The following SLC39A14 variants were observed in gnomAD, a reference collection of about 807,000 sequenced individuals.
The protein encoded by SLC39A14 is metal cation symporter ZIP14.
SLC39A14 carries 19 observed loss-of-function variants against 45.5 expected under a neutral mutation model. The ratio of observed to expected loss-of-function variants is 0.42; its 90% CI spans 0.29 to 0.61. The LOEUF (loss-of-function observed/expected upper bound fraction) is 0.61. Ranked by LOEUF, SLC39A14 falls within the 20% of genes least tolerant of loss-of-function variation. SLC39A14 has a pLI of 0.22. For missense variants in SLC39A14, 447 were observed against 616.5 expected (o/e 0.73, Z 2.91); for synonymous variants, 264 against 251.3 (o/e 1.05, Z -0.48).
downstream of SLC39A14, among the ~76,000 whole-genome samples, chr8:22,425,216 C>A (rs1015107206): frequency 1.3e-5 from 2 of 152,014 alleles, no homozygotes; most frequent in Non-Finnish European, 2.9e-5. Flanking sequence ...GTACTTGTGG[C>A]CCACGTGGAA....
intron 1 of SLC39A14, among the ~76,000 whole-genome samples, chr8:22,369,206 G>C (rs1563462021): frequency 6.6e-6 from 1 of 152,148 alleles, no homozygotes; most frequent in South Asian, 2.1e-4. Flanking sequence ...TCTTCCCAAA[G>C]GGCCAGGCCA....
intron 4 of SLC39A14, among the ~76,000 whole-genome samples, chr8:22,413,295 G>A (rs957514904): frequency 2.0e-5 from 3 of 152,136 alleles, no homozygotes; most frequent in Non-Finnish European, 4.4e-5. Context: ...CCTCCTAGTG[G>A]ATCCTTAGGT....
At chr8:22,371,379 G>T (rs1221316455) in intron 1 of SLC39A14, among the ~76,000 whole-genome samples, 1 of 138,666 alleles carries the variant, frequency 7.2e-6, no homozygotes, top group Non-Finnish European at 1.6e-5. Context: ...AAAAAAATCA[G>T]ATAAAAGTTG....
At chr8:22,416,570 G>A (rs903982278) in intron 7 of SLC39A14, among the ~76,000 whole-genome samples, 7 of 151,304 alleles carry the variant, frequency 4.6e-5, no homozygotes, top group Non-Finnish European at 8.8e-5. Context: ...GATTACAGAC[G>A]CCTGCCACCA....
intron 1 of SLC39A14, among the ~76,000 whole-genome samples, chr8:22,381,665 T>C (rs1475981719): frequency 6.6e-6 from 1 of 152,186 alleles, no homozygotes; most frequent in Admixed American, 6.5e-5. Flanking sequence ...AAGCAGAAAC[T>C]TTAAAAAGGA....
downstream of SLC39A14, among the ~76,000 whole-genome samples, chr8:22,423,102 G>T (rs898168252): frequency 8.5e-5 from 13 of 152,108 alleles, no homozygotes; most frequent in South Asian, 4.2e-4. Flanking sequence ...GGGATTACAG[G>T]CTTGAGTCAT....
At chr8:22,425,894 T>TG (rs1396276736), downstream of SLC39A14, among the ~76,000 whole-genome samples, 40 of 135,900 alleles carry the variant, frequency 2.9e-4, 1 homozygote, top group South Asian at 1.9e-3. Context: ...TTTTTGTTTT[T>TG]TTTTTGTTTT....
At chr8:22,406,165 G>A (rs1381116137) in intron 2 of SLC39A14, among the ~76,000 whole-genome samples, 1 of 152,190 alleles carries the variant, frequency 6.6e-6, no homozygotes, top group Admixed American at 6.5e-5. Flanking sequence ...AATGGACGGG[G>A]GTGCTGGGCA....
intron 1 of SLC39A14, among the ~76,000 whole-genome samples, chr8:22,376,145 A>G (rs1563480525): frequency 6.6e-6 from 1 of 152,038 alleles, no homozygotes; most frequent in Non-Finnish European, 1.5e-5. Context: ...TGCATCCTTT[A>G]GAGGTATTCA....
chr8:22,391,843 C>T (rs994421736), intron 1 of SLC39A14, among the ~76,000 whole-genome samples: 2 of 152,104 alleles, frequency 1.3e-5, no homozygotes, highest in South Asian at 2.1e-4. Flanking sequence ...GCTGGGATTA[C>T]GGGCATGAGC....
In SLC39A14 at chr8:22,419,591, A is replaced by C; in HGVS notation, c.1372A>C (p.Lys458Gln). 1.2e-6 allele frequency: 2 copies of C among 1,614,110 alleles called. No individual in the cohort carries two copies. Among genetic ancestry groups the C allele is most frequent in the Non-Finnish European group, 8.5e-7 (1 of 1,180,004 alleles). Residue 458 changes from lysine (K) to glutamine (Q), a missense_variant, in exon 9 of 9, where the codon AAG becomes CAG. Transcript: ENST00000381237. ...MNEVCQEDER[K>Q]GSILIPFIIQ... Reference sequence around the variant, plus strand: ...TGAGGTCTGTCAAGAGGATGAAAGGAAGGGCAGCATCTTGATTCCATTTAT... The same window carrying C: ...TGAGGTCTGTCAAGAGGATGAAAGGCAGGGCAGCATCTTGATTCCATTTAT...
At chr8:22,380,930 C>T (rs962514882) in intron 1 of SLC39A14, among the ~76,000 whole-genome samples, 7 of 152,010 alleles carry the variant, frequency 4.6e-5, no homozygotes, top group African/African-American at 1.4e-4. Context: ...ACCCCCTTGG[C>T]CTCCCAAAGT....
chr8:22,432,343 CAT>C (rs1435884495), intron 8 of SLC39A14, among the ~76,000 whole-genome samples: 1 of 152,000 alleles, frequency 6.6e-6, no homozygotes, highest in Non-Finnish European at 1.5e-5. Context: ...AATAAATAAA[CAT>C]ATAAATAAAT....
At chr8:22,408,128 G>GT (rs1399409325) in intron 2 of SLC39A14, among the ~76,000 whole-genome samples, 182 bp from the exon 3 acceptor site, 1 of 152,234 alleles carries the variant, frequency 6.6e-6, no homozygotes, top group African/African-American at 2.4e-5. Context: ...TTAGTTACTA[G>GT]TTTTTTAAGT....
rs576877475 is a variant in SLC39A14 at position 22,377,353 on chromosome 8, G to A, written c.-16+9945G>A. On this transcript the variant is annotated intron_variant, in intron 1 of 8. Coordinates refer to ENST00000381237, the MANE Select transcript of SLC39A14 (RefSeq NM_001128431.4). ...CTCATCTTGTAACTTCGCTGCCCCA[G>A]CCCTAGAGTCAGGCACTTCTCCACG... Among the ~76,000 whole-genome samples the A allele has an allele frequency of 1.8e-4, 27 of 151,904 alleles. No individual in the cohort carries two copies. In the South Asian group the frequency reaches 5.4e-3, roughly 30 times the overall value.
At chr8:22,369,974 C>T (rs1174349678) in intron 1 of SLC39A14, among the ~76,000 whole-genome samples, 6 of 152,148 alleles carry the variant, frequency 3.9e-5, no homozygotes. Context: ...TTTCTGTGGC[C>T]TGCCAGGGAT....
downstream of SLC39A14, among the ~76,000 whole-genome samples, chr8:22,426,668 A>C (rs903423804): frequency 1.3e-5 from 2 of 152,074 alleles, no homozygotes; most frequent in African/African-American, 2.4e-5. Context: ...TTGATGAAGT[A>C]ATTCTAAATG....
chr8:22,421,727 A>G lies in SLC39A14; in HGVS notation c.*2029A>G. ...TTAAATTTATAATTTTAGCATTCCC[A>G]ATAGATCCTATCATTCCTTAAACAT... is the stretch of plus-strand genomic sequence containing the variant. On this transcript the variant is annotated 3_prime_UTR_variant, in exon 9 of 9. Coordinates refer to ENST00000381237, the MANE Select transcript of SLC39A14 (RefSeq NM_001128431.4). The G allele has an allele frequency of 6.1e-6, 6 of 984,760 alleles. No individual in the cohort carries two copies. Among genetic ancestry groups the G allele is most frequent in the Non-Finnish European group, 7.2e-6 (6 of 829,020 alleles). 61.0% of individuals were successfully genotyped at this position (984,760 alleles called of 1,614,324 possible).
At chr8:22,374,062 G>A (rs888110250) in intron 1 of SLC39A14, among the ~76,000 whole-genome samples, 4 of 152,318 alleles carry the variant, frequency 2.6e-5, no homozygotes, top group East Asian at 1.9e-4. Flanking sequence ...GTGAGCCACC[G>A]TGCCCAGCCC....
Sources: allele counts gnomAD v4.1 joint callset (sites outside exome capture counted in the v4.1 genomes callset), GRCh38; gene constraint gnomAD v4.1.1; transcripts MANE v1.5; gene names NCBI Gene and HGNC (gene_info 2026-07-23, HGNC 2026-07-21).